Variants in SERPIND1 observed in about 807,000 individuals in gnomAD.
SERPIND1 encodes the protein heparin cofactor 2.
In SERPIND1, 34 loss-of-function variants were observed where a neutral mutation model predicts 35.0. The observed-to-expected ratio is 0.97, with a 90% CI of 0.74 to 1.29. SERPIND1 has a LOEUF of 1.29. SERPIND1 is among the 50% of genes most tolerant of loss of function. The pLI, the probability that SERPIND1 is intolerant of heterozygous loss-of-function variation, is 0.00. For synonymous variants in SERPIND1, 236 were observed against 241.1 expected (o/e 0.98, Z 0.19); for missense variants, 633 against 637.7 (o/e 0.99, Z 0.08).
rs1430826985 is a variant in SERPIND1, at chr22:20,780,112, T to G, written c.800T>G (p.Met267Arg). Residue 267 changes from methionine (M) to arginine (R), a missense_variant, in exon 2 of 5, where the codon ATG (methionine) becomes AGG (arginine). Met to Arg is a moderately conservative substitution (Grantham distance 91). Transcript: ENST00000215727. Reference protein sequence around the residue: ...AFISKTNNHIMKLTKGLIKDA... With the variant: ...AFISKTNNHIRKLTKGLIKDA... Reference sequence around the variant, plus strand: ...ATATCAAAAACCAACAACCACATCATGAAGCTCACCAAGGGCCTCATAAAA... The same window carrying G: ...ATATCAAAAACCAACAACCACATCAGGAAGCTCACCAAGGGCCTCATAAAA... 2 of 1,614,042 alleles carry G rather than the reference T, an allele frequency of 1.2e-6. No individual in the cohort carries two copies. The highest frequency in any genetic ancestry group is 2.2e-5 in the East Asian group (1 of 44,888).
chr22:20,779,056 A>C, intron 1 of SERPIND1: 2 of 894,826 alleles, frequency 2.2e-6, no homozygotes, highest in Non-Finnish European at 3.2e-6. Context: ...CAAACCTTTA[A>C]AGAAGGGATT....
chr22:20,775,320 T>C (rs2147456452), intron 1 of SERPIND1, among the ~76,000 whole-genome samples: 1 of 152,364 alleles, frequency 6.6e-6, no homozygotes, highest in Non-Finnish European at 1.5e-5. Flanking sequence ...CAATGTTTGT[T>C]ATACTAAATA....
At chr22:20,776,457 G>A (rs776683690) in intron 1 of SERPIND1, among the ~76,000 whole-genome samples, 2 of 152,244 alleles carry the variant, frequency 1.3e-5, no homozygotes, top group South Asian at 4.1e-4. Context: ...CAGAAACAAT[G>A]TGACTTTCCT....
Position 20,780,050 on chromosome 22 carries a change from T to G in SERPIND1, c.738T>G (p.Ala246=). The part of the protein sequence containing the change: ...FKTKVREYYF[A]EAQIADFSDP... ...CTAAAGTAAGAGAGTATTACTTTGC[T>G]GAGGCCCAGATAGCTGACTTCTCAG... The change falls in exon 2 of 5, where the codon GCT becomes GCG. Residue 246 remains alanine (A), a synonymous_variant. Coordinates refer to ENST00000215727, the MANE Select transcript of SERPIND1 (RefSeq NM_000185.4). 1 of 1,614,200 alleles carries G rather than the reference T, an allele frequency of 6.2e-7. No homozygotes were observed. The highest frequency in any genetic ancestry group is 8.5e-7 in the Non-Finnish European group (1 of 1,180,044).
chr22:20,775,551 C>G (rs894725951), intron 1 of SERPIND1, among the ~76,000 whole-genome samples: 2 of 152,204 alleles, frequency 1.3e-5, no homozygotes, highest in South Asian at 4.1e-4. Context: ...GCCTCAGATA[C>G]GTTTTCCTGA....
chr22:20,779,399 G>GT lies in SERPIND1; in HGVS notation c.87_88insT (p.Lys30Ter). 1 of 1,614,226 alleles carries GT rather than the reference G, an allele frequency of 6.2e-7. No homozygotes were observed. Among genetic ancestry groups the GT allele is most frequent in the Non-Finnish European group, 8.5e-7 (1 of 1,180,036 alleles). ...GCAAAGGCCCGCTGGATCAGCTAGA[G>GT]AAAGGAGGGGAAACTGCTCAGTCTG... On this transcript the variant is annotated frameshift_variant, in exon 2 of 5. Coordinates refer to ENST00000215727, the MANE Select transcript of SERPIND1 (RefSeq NM_000185.4). LOFTEE classifies it high-confidence loss of function.
intron 3 of SERPIND1, among the ~76,000 whole-genome samples, chr22:20,785,152 C>T (rs536970278): frequency 1.3e-5 from 2 of 151,786 alleles, no homozygotes; most frequent in African/African-American, 4.8e-5. Flanking sequence ...TCACTGCAGC[C>T]TCAACCTCCT....
chr22:20,784,780 T>C (rs1415821622), intron 3 of SERPIND1, among the ~76,000 whole-genome samples: 2 of 152,224 alleles, frequency 1.3e-5, no homozygotes, highest in Non-Finnish European at 2.9e-5. Flanking sequence ...TAAGTACTTA[T>C]TGAGATTATT....
At chr22:20,776,696 C>A (rs1416562527) in intron 1 of SERPIND1, among the ~76,000 whole-genome samples, 2 of 152,084 alleles carry the variant, frequency 1.3e-5, no homozygotes, top group African/African-American at 4.8e-5. Context: ...CAACTTGGTT[C>A]GAATCTAGCC....
chr22:20,785,368 G>C (rs922901490), intron 3 of SERPIND1, among the ~76,000 whole-genome samples: 1 of 152,164 alleles, frequency 6.6e-6, no homozygotes, highest in South Asian at 2.1e-4. Context: ...GCTGTGCCTG[G>C]CCCATTTGAC....
intron 1 of SERPIND1, among the ~76,000 whole-genome samples, chr22:20,776,234 G>C (rs1933261238): frequency 1.3e-5 from 2 of 152,172 alleles, no homozygotes; most frequent in Admixed American, 6.5e-5. Flanking sequence ...TGAGGTGGGA[G>C]GGTCTCTTGA....
At chr22:20,774,206 C>T (rs1187811526) in intron 1 of SERPIND1, 61 bp downstream of exon 1, 1 of 152,144 alleles carries the variant, frequency 6.6e-6, no homozygotes, top group Non-Finnish European at 1.5e-5. Flanking sequence ...TACGGATAGG[C>T]AACTGGTTCA....
chr22:20,779,851 T>C lies in SERPIND1; in HGVS notation c.539T>C (p.Ile180Thr). ...GAGACCCATGAACAAGTGCACTCGA[T>C]TTTGCATTTTAAAGACTTTGTTAAT... ...KGETHEQVHS[I>T]LHFKDFVNAS... Residue 180 changes from isoleucine (I) to threonine (T), a missense_variant, in exon 2 of 5, where the codon ATT (isoleucine) becomes ACT (threonine). By Grantham distance (89) the Ile-to-Thr change is moderately conservative. Coordinates refer to ENST00000215727, the MANE Select transcript of SERPIND1 (RefSeq NM_000185.4). 2 of 1,614,210 alleles carry C rather than the reference T, an allele frequency of 1.2e-6. No individual in the cohort carries two copies. Among genetic ancestry groups the C allele is most frequent in the Non-Finnish European group, 8.5e-7 (1 of 1,180,032 alleles).
Position 20,787,541 on chromosome 22 carries a change from T to G in SERPIND1, c.*475T>G. The G allele has an allele frequency of 4.4e-6, 1 of 228,142 alleles. No individual in the cohort carries two copies. Among genetic ancestry groups the G allele is most frequent in the Non-Finnish European group, 8.8e-6 (1 of 113,996 alleles). 14.1% of individuals were successfully genotyped at this position (228,142 alleles called of 1,614,324 possible). Reference sequence around the variant, plus strand: ...CTTGATGTCCAGGGAAGAAGCCACCTCAAGACATATGAGGGGTGCCCTGGG... The same window carrying G: ...CTTGATGTCCAGGGAAGAAGCCACCGCAAGACATATGAGGGGTGCCCTGGG... On this transcript the variant is annotated 3_prime_UTR_variant, in exon 5 of 5. Coordinates refer to ENST00000215727, the MANE Select transcript of SERPIND1 (RefSeq NM_000185.4).
At position 20,781,343 on chromosome 22, in the gene SERPIND1, C is replaced by T. The variant is rs374044498; in HGVS notation, c.889+1142C>T. Among the ~76,000 whole-genome samples, 15 of 152,328 alleles carry T rather than the reference C, an allele frequency of 9.8e-5. No homozygotes were observed. The South Asian group carries it at 2.9e-3, about 29-fold the overall frequency. On this transcript the variant is annotated intron_variant, in intron 2 of 4. Coordinates refer to ENST00000215727, the MANE Select transcript of SERPIND1 (RefSeq NM_000185.4). ...AATGGTTCGGCTTCAGGACTAATTG[C>T]GGTGACACACAACCACTTCTCTTTG...
chr22:20,784,355 C>T, intron 3 of SERPIND1, 110 bp downstream of exon 3: 1 of 1,425,596 alleles, frequency 7.0e-7, no homozygotes, highest in Non-Finnish European at 9.7e-7. Flanking sequence ...TACAAGTACC[C>T]AAGAACTTCC....
In SERPIND1 at chr22:20,776,804, G is replaced by T. The variant is rs752160711; in HGVS notation, c.-16-2493G>T. On this transcript the variant is annotated intron_variant, in intron 1 of 4. Coordinates refer to ENST00000215727, the MANE Select transcript of SERPIND1 (RefSeq NM_000185.4). Reference sequence around the variant, plus strand: ...AGTTACACGAAGTGCCTTATACAGCGTGTCAGGCATCCAACAGAGGCCATT... The same window carrying T: ...AGTTACACGAAGTGCCTTATACAGCTTGTCAGGCATCCAACAGAGGCCATT... Among the ~76,000 whole-genome samples the T allele has an allele frequency of 2.6e-5, 4 of 152,132 alleles. No homozygotes were observed. In the East Asian group the frequency reaches 7.7e-4, roughly 29 times the overall value.
intron 1 of SERPIND1, among the ~76,000 whole-genome samples, chr22:20,778,262 G>C (rs956717391): frequency 6.6e-6 from 1 of 151,974 alleles, no homozygotes; most frequent in Non-Finnish European, 1.5e-5. Flanking sequence ...GCACTTTGGG[G>C]GGCTGAGGTG....
intron 1 of SERPIND1, among the ~76,000 whole-genome samples, chr22:20,774,794 G>A: frequency 6.6e-6 from 1 of 151,098 alleles, no homozygotes; most frequent in South Asian, 2.1e-4. Flanking sequence ...AAGAAAAAAT[G>A]TTAGAGGAAC....
Sources: gnomAD v4.1 joint callset for allele counts (sites outside exome capture counted in the v4.1 genomes callset) on GRCh38, gnomAD v4.1.1 for gene constraint, MANE v1.5 for transcripts, NCBI Gene and HGNC (gene_info 2026-07-23, HGNC 2026-07-21) for gene names.